The following CSMD3 variants were observed in gnomAD, a reference collection of about 807,000 sequenced individuals.
CSMD3 encodes CUB and Sushi multiple domains 3, also known as CUB and sushi domain-containing protein 3.
CSMD3 carries 177 observed loss-of-function variants against 435.2 expected under a neutral mutation model. The observed-to-expected ratio is 0.41, with a 90% CI of 0.36 to 0.46. The LOEUF (loss-of-function observed/expected upper bound fraction) is 0.46, where lower values mean the gene tolerates loss of function less well. Ranked by LOEUF, CSMD3 falls within the 20% of genes least tolerant of loss-of-function variation. CSMD3 has a pLI of 0.34. For synonymous variants in CSMD3, 1,656 were observed against 1,520.5 expected (o/e 1.09, Z -2.07); for missense variants, 4,265 against 4,504.6 (o/e 0.95, Z 1.52).
intron 22 of CSMD3, among the ~76,000 whole-genome samples, chr8:112,595,019 G>T (rs1052017060): frequency 2.0e-5 from 3 of 152,154 alleles, no homozygotes; most frequent in Admixed American, 6.5e-5. Context: ...AATGGAGAAT[G>T]ACTTTGACGA....
At chr8:112,892,120 T>A (rs1441111007) in intron 10 of CSMD3, among the ~76,000 whole-genome samples, 1 of 151,632 alleles carries the variant, frequency 6.6e-6, no homozygotes. Context: ...TTTCCATTAA[T>A]TTTGTACATG....
intron 4 of CSMD3, among the ~76,000 whole-genome samples, chr8:113,132,608 T>C (rs1029672400): frequency 5.3e-5 from 8 of 152,188 alleles, no homozygotes; most frequent in African/African-American, 1.9e-4. Context: ...CCTGTGGAAC[T>C]GTTAGCCAAT....
At chr8:112,341,906 T>C (rs1255629440) in intron 41 of CSMD3, among the ~76,000 whole-genome samples, 1 of 152,032 alleles carries the variant, frequency 6.6e-6, no homozygotes, top group Non-Finnish European at 1.5e-5. Context: ...CATTATTAGT[T>C]AAAAGGAAAA....
intron 1 of CSMD3, among the ~76,000 whole-genome samples, chr8:113,322,387 T>C (rs1360836607): frequency 1.3e-5 from 2 of 152,156 alleles, no homozygotes; most frequent in Non-Finnish European, 1.5e-5. Context: ...TATTTAGATA[T>C]CCAAATCACC....
chr8:112,706,412 TAAAC>T (rs766007280), intron 13 of CSMD3, among the ~76,000 whole-genome samples: 9 of 151,958 alleles, frequency 5.9e-5, no homozygotes, highest in Admixed American at 5.3e-4. Flanking sequence ...AGAAAAAAAA[TAAAC>T]AATTCTGCCA....
At position 113,124,617 on chromosome 8, in the gene CSMD3, G is replaced by T. The variant is rs552248124; in HGVS notation, c.710-25654C>A. 7.9e-4 allele frequency among the ~76,000 whole-genome samples: 120 copies of T among 151,960 alleles called. 1 individual carries two copies. The highest frequency in any genetic ancestry group is 2.7e-3 in the African/African-American group (112 of 41,496). ...TTTGGTGATATGTTGGATAAATGAA[G>T]AATGACTAAGGATCAGAAGTCACAG... On this transcript the variant is annotated intron_variant, in intron 4 of 70. Coordinates refer to ENST00000297405, the MANE Select transcript of CSMD3 (RefSeq NM_198123.2).
At chr8:112,661,484 C>G (rs1281885702) in intron 17 of CSMD3, among the ~76,000 whole-genome samples, 1 of 152,094 alleles carries the variant, frequency 6.6e-6, no homozygotes, top group Non-Finnish European at 1.5e-5. Context: ...CGGATGCCCT[C>G]TGAATTGCAG....
chr8:112,698,397 T>C (rs2076306718), intron 13 of CSMD3, among the ~76,000 whole-genome samples: 2 of 152,200 alleles, frequency 1.3e-5, no homozygotes, highest in East Asian at 1.9e-4. Context: ...ATTTTCTAGC[T>C]GCATCCACTG....
chr8:112,297,878 TG>T (rs1440621459), intron 53 of CSMD3, among the ~76,000 whole-genome samples: 2 of 152,056 alleles, frequency 1.3e-5, no homozygotes, highest in African/African-American at 4.8e-5. Context: ...TCCAGCACTT[TG>T]GGAAGCTAAA....
intron 22 of CSMD3, among the ~76,000 whole-genome samples, chr8:112,601,157 A>AT (rs1048394855): frequency 6.6e-6 from 1 of 152,066 alleles, no homozygotes; most frequent in Non-Finnish European, 1.5e-5. Context: ...TCTAGTATAG[A>AT]TTTTTTAATC....
intron 45 of CSMD3, among the ~76,000 whole-genome samples, chr8:112,328,519 G>A (rs998029282): frequency 6.6e-6 from 1 of 152,134 alleles, no homozygotes; most frequent in Non-Finnish European, 1.5e-5. Flanking sequence ...TAGAAATCAA[G>A]AGTGAATGCT....
intron 13 of CSMD3, among the ~76,000 whole-genome samples, chr8:112,734,037 C>T (rs1304025677): frequency 1.3e-5 from 2 of 151,776 alleles, no homozygotes; most frequent in African/African-American, 4.8e-5. Flanking sequence ...TGCCAAATTA[C>T]CAAATCCCTG....
At chr8:112,950,309 T>C (rs756038633) in intron 8 of CSMD3, among the ~76,000 whole-genome samples, 6 of 151,876 alleles carry the variant, frequency 4.0e-5, no homozygotes, top group Non-Finnish European at 8.8e-5. Flanking sequence ...AATATTGTAG[T>C]ATATGTTTAT....
chr8:112,571,369 T>A (rs1829499935), intron 24 of CSMD3, among the ~76,000 whole-genome samples: 1 of 152,068 alleles, frequency 6.6e-6, no homozygotes, highest in Non-Finnish European at 1.5e-5. Flanking sequence ...AATATCTTTT[T>A]AAAAAAATTC....
chr8:112,635,481 A>T (rs751478276), intron 22 of CSMD3, among the ~76,000 whole-genome samples: 1 of 152,018 alleles, frequency 6.6e-6, no homozygotes, highest in Non-Finnish European at 1.5e-5. Context: ...ATGTGGCAGT[A>T]AGCAGTAGCA....
At chr8:112,856,852 T>G (rs745534163) in intron 11 of CSMD3, among the ~76,000 whole-genome samples, 2 of 151,874 alleles carry the variant, frequency 1.3e-5, no homozygotes, top group Non-Finnish European at 3.0e-5. Flanking sequence ...TATAGCTGTA[T>G]GCTTATTATT....
intron 30 of CSMD3, among the ~76,000 whole-genome samples, chr8:112,503,217 G>A (rs1441638015): frequency 6.6e-6 from 1 of 152,058 alleles, no homozygotes; most frequent in Non-Finnish European, 1.5e-5. Context: ...GAGTAGCTGG[G>A]ACTACAGACG....
chr8:113,138,420 G>GCCA (rs1051511058), intron 4 of CSMD3, among the ~76,000 whole-genome samples: 56 of 151,472 alleles, frequency 3.7e-4, no homozygotes, highest in African/African-American at 1.3e-3. Context: ...TAATTTTGCT[G>GCCA]CCATTTTAAA....
intron 1 of CSMD3, among the ~76,000 whole-genome samples, chr8:113,406,424 G>T (rs1184011225): frequency 6.6e-6 from 1 of 151,854 alleles, no homozygotes; most frequent in Non-Finnish European, 1.5e-5. Flanking sequence ...AGAGGCAGAG[G>T]CATAAACCCT....
Sources: gnomAD v4.1 joint callset for allele counts (sites outside exome capture counted in the v4.1 genomes callset) on GRCh38, gnomAD v4.1.1 for gene constraint, MANE v1.5 for transcripts, NCBI Gene and HGNC (gene_info 2026-07-23, HGNC 2026-07-21) for gene names.